Variants in BCAR3 observed in about 807,000 individuals in gnomAD.
BCAR3 encodes BCAR3 adaptor protein, NSP family member.
In BCAR3, 37 loss-of-function variants were observed where a neutral mutation model predicts 80.1. That is an observed-to-expected ratio of 0.46 (90% CI 0.36 to 0.61). The LOEUF is 0.61. BCAR3 is among the 20% of genes least tolerant of loss of function. The pLI, the probability that BCAR3 is intolerant of heterozygous loss-of-function variation, is 0.00. For synonymous variants in BCAR3, 389 were observed against 418.9 expected, an observed-to-expected ratio of 0.93 and a Z score of 0.87; for missense variants, 978 against 1,068.2, an observed-to-expected ratio of 0.92 and a Z score of 1.18.
chr1:93,610,797 A>G (rs1205776308), intron 3 of BCAR3, among the ~76,000 whole-genome samples: 1 of 152,046 alleles, frequency 6.6e-6, no homozygotes, highest in East Asian at 1.9e-4. Context: ...AATACCAAAA[A>G]TTAGCCAGGT....
rs112567881 is a variant in BCAR3, at chr1:93,572,048, G to A, written c.1803-207C>T. Among the ~76,000 whole-genome samples, 617 of 152,308 alleles carry A rather than the reference G, an allele frequency of 4.1e-3. 10 individuals are homozygous for A. Among genetic ancestry groups the A allele is most frequent in the Middle Eastern group, 0.017 (5 of 292 alleles). On this transcript the variant is annotated intron_variant, in intron 8 of 11. Coordinates refer to ENST00000260502, the MANE Select transcript of BCAR3 (RefSeq NM_003567.4). ...GGAGGGCCAAAGTAGGCCACAGAGG[G>A]TGCACTTTCAGTCAGAAAGCAAGAT... is the stretch of plus-strand genomic sequence containing the variant.
At chr1:93,672,257 T>C (rs1467756061) in intron 2 of BCAR3, among the ~76,000 whole-genome samples, 2 of 152,276 alleles carry the variant, frequency 1.3e-5, no homozygotes, top group East Asian at 1.9e-4. Context: ...GCTTGACAGC[T>C]TGGACCTTGG....
At chr1:93,810,192 C>CAAAAAAAAAAAAAAAAAAA (rs111305058) in intron 2 of BCAR3, among the ~76,000 whole-genome samples, 6 of 98,876 alleles carry the variant, frequency 6.1e-5, no homozygotes, top group African/African-American at 6.9e-5. Flanking sequence ...GACTCCATCT[C>CAAAAAAAAAAAAAAAAAAA]AAAAAAAAAA....
chr1:93,704,464 A>C, intron 3 of BCAR3, among the ~76,000 whole-genome samples: 1 of 152,208 alleles, frequency 6.6e-6, no homozygotes, highest in East Asian at 1.9e-4. Flanking sequence ...AAACACAGAC[A>C]CAGAGAAGTA....
At chr1:93,750,525 A>C (rs1334777262) in intron 2 of BCAR3, among the ~76,000 whole-genome samples, 1 of 152,232 alleles carries the variant, frequency 6.6e-6, no homozygotes, top group Non-Finnish European at 1.5e-5. Flanking sequence ...TTCTCTTTGA[A>C]TACAGACAGC....
chr1:93,714,678 T>C (rs897727478), intron 2 of BCAR3, among the ~76,000 whole-genome samples: 5 of 152,038 alleles, frequency 3.3e-5, no homozygotes, highest in Admixed American at 2.6e-4. Context: ...TCTTTTAACA[T>C]ACTAATCACA....
intron 2 of BCAR3, among the ~76,000 whole-genome samples, chr1:93,762,638 A>C (rs1651990701): frequency 6.6e-6 from 1 of 152,040 alleles, no homozygotes; most frequent in African/African-American, 2.4e-5. Flanking sequence ...GAACCCAATC[A>C]TTGTCACGTC....
intron 3 of BCAR3, among the ~76,000 whole-genome samples, chr1:93,621,447 T>G (rs950423762): frequency 6.6e-6 from 1 of 152,158 alleles, no homozygotes; most frequent in African/African-American, 2.4e-5. Flanking sequence ...AAATTCCTTC[T>G]GATCCAGAAA....
chr1:93,719,334 GTT>G (rs1217381018), intron 2 of BCAR3, among the ~76,000 whole-genome samples: 1 of 73,206 alleles, frequency 1.4e-5, no homozygotes, highest in African/African-American at 5.5e-5. Context: ...AAACTTTCTT[GTT>G]TTTTTTTTTT....
chr1:93,598,418 AG>A (rs1395229240), intron 3 of BCAR3, among the ~76,000 whole-genome samples: 1 of 152,210 alleles, frequency 6.6e-6, no homozygotes, highest in Non-Finnish European at 1.5e-5. Flanking sequence ...TAGTTCCCAC[AG>A]GATTTTAAAT....
chr1:93,674,998 T>C (rs1648406425), intron 1 of BCAR3, 57 bp from the exon 2 acceptor site: 1 of 1,365,580 alleles, frequency 7.3e-7, no homozygotes, highest in Non-Finnish European at 9.8e-7. Flanking sequence ...AAGAACTGAC[T>C]TCCTACTTAC....
At chr1:93,777,389 C>T (rs1037983238) in intron 2 of BCAR3, among the ~76,000 whole-genome samples, 5 of 137,430 alleles carry the variant, frequency 3.6e-5, no homozygotes, top group African/African-American at 9.8e-5. Context: ...TCTTCTTCTT[C>T]CTCTTCTTCC....
At chr1:93,844,886 T>C (rs1427038948) in intron 2 of BCAR3, among the ~76,000 whole-genome samples, 2 of 152,068 alleles carry the variant, frequency 1.3e-5, no homozygotes, top group South Asian at 2.1e-4. Flanking sequence ...AGTCTTCTAA[T>C]TGCAGGGTAT....
chr1:93,685,465 A>C (rs1018492306), upstream of BCAR3, among the ~76,000 whole-genome samples: 4 of 152,128 alleles, frequency 2.6e-5, no homozygotes, highest in Non-Finnish European at 5.9e-5. Context: ...AAACCACTTA[A>C]TATATCTTGG....
In BCAR3 at chr1:93,597,146, A is replaced by G. The variant is rs377547892; in HGVS notation, c.358-4753T>C. On this transcript the variant is annotated intron_variant, in intron 3 of 11. Transcript: ENST00000260502. ...AATAAGTATAACTTCAGCAGGAAAG[A>G]AAGAAAAGAAGGGAAGGAGAGTTAG... 3.3e-5 allele frequency among the ~76,000 whole-genome samples: 5 copies of G among 152,338 alleles called. No individual in the cohort carries two copies. The South Asian group carries it at 6.2e-4, about 19-fold the overall frequency.
chr1:93,576,119 A>T lies in BCAR3; in HGVS notation c.1697T>A (p.Ile566Lys). The change falls in exon 8 of 12, where the codon ATA becomes AAA. Residue 566 changes from isoleucine (I) to lysine (K), a missense_variant. Transcript: ENST00000260502. ...VLSMDCRVAR[I>K]LGVSEEMRRN... ...CCTCATCTCTTCAGAGACTCCAAGT[A>T]TCCTAGCAACCTGTCAAGAGCCAAA... 1 of 1,614,152 alleles carries T rather than the reference A, an allele frequency of 6.2e-7. No homozygotes were observed. The highest frequency in any genetic ancestry group is 2.2e-5 in the East Asian group (1 of 44,882).
chr1:93,607,991 G>A (rs150328579), intron 3 of BCAR3, among the ~76,000 whole-genome samples: 106 of 152,298 alleles, frequency 7.0e-4, no homozygotes, highest in African/African-American at 2.1e-3. Context: ...GGGGAAGGGC[G>A]ATGAATCAAT....
At chr1:93,562,956 C>T (rs1557830808) in intron 11 of BCAR3, among the ~76,000 whole-genome samples, 1 of 152,004 alleles carries the variant, frequency 6.6e-6, no homozygotes, top group Non-Finnish European at 1.5e-5. Context: ...AACAGGTAAA[C>T]TCATTAAAAA....
Position 93,825,642 on chromosome 1 carries a change from C to T in BCAR3, c.-63+19925G>A, listed in dbSNP as rs542215151. Among the ~76,000 whole-genome samples, 43 of 80,220 alleles carry T rather than the reference C, an allele frequency of 5.4e-4. 10 individuals are homozygous for T. Among genetic ancestry groups the T allele is most frequent in the Admixed American group, 3.3e-3 (23 of 6,876 alleles). 52.6% of individuals were successfully genotyped at this position (80,220 alleles called of 152,430 possible). ...TCTCTACTTTGAGCTCGGCCTTCCA[C>T]CCTCCTTCCCCAGGGCCAAACCTCT... On this transcript the variant is annotated intron_variant, in intron 2 of 13. Transcript: ENST00000370244.
Sources: allele counts gnomAD v4.1 joint callset (sites outside exome capture counted in the v4.1 genomes callset), GRCh38; gene constraint gnomAD v4.1.1; transcripts MANE v1.5; gene names NCBI Gene and HGNC (gene_info 2026-07-23, HGNC 2026-07-21).